Variants in C10orf90 observed in about 807,000 individuals in gnomAD.
C10orf90 encodes the protein (E2-independent) E3 ubiquitin-conjugating enzyme FATS.
C10orf90 carries 56 observed loss-of-function variants against 62.5 expected under a neutral mutation model. That is an observed-to-expected ratio of 0.90 (90% CI 0.72 to 1.12). The LOEUF (loss-of-function observed/expected upper bound fraction) is 1.12. Ranked by LOEUF, C10orf90 falls within the 50% of genes most tolerant of loss-of-function variation. C10orf90 has a pLI of 0.00. For synonymous variants in C10orf90, 386 were observed against 340.4 expected, an observed-to-expected ratio of 1.13 and a Z score of -1.47; for missense variants, 970 against 880.4, an observed-to-expected ratio of 1.10 and a Z score of -1.29.
intron 2 of C10orf90, among the ~76,000 whole-genome samples, chr10:126,578,182 T>C (rs1844664698): frequency 6.6e-6 from 1 of 152,140 alleles, no homozygotes; most frequent in South Asian, 2.1e-4. Context: ...AAAGACACTA[T>C]TAAGAGAGTG....
chr10:126,545,592 G>A (rs1283205266), intron 2 of C10orf90, among the ~76,000 whole-genome samples: 1 of 149,764 alleles, frequency 6.7e-6, no homozygotes, highest in East Asian at 1.9e-4. Flanking sequence ...CTCTCATAAT[G>A]TTTAAATGGG....
At position 126,504,654 on chromosome 10, in the gene C10orf90, A is replaced by G. The variant is rs1162911663; in HGVS notation, c.837T>C (p.Asn279=). 1.9e-6 allele frequency: 3 copies of G among 1,614,210 alleles called. No individual in the cohort carries two copies. Among genetic ancestry groups the G allele is most frequent in the African/African-American group, 2.7e-5 (2 of 75,070 alleles). Residue 279 remains asparagine, a synonymous_variant, in exon 4 of 10, where the codon AAT becomes AAC. Transcript: ENST00000488181. The surrounding 1 kb of genome is among the most constrained non-coding windows in gnomAD (Gnocchi z 4.1). The part of the protein sequence containing the change: ...TLFQAPPALA[N]GAHPGRHQRS... ...TCTGATGCCGACCTGGATGGGCGCC[A>G]TTGGCCAGAGCCGGGGGCGCCTGGA...
chr10:126,459,940 G>A (rs531733804), intron 6 of C10orf90, among the ~76,000 whole-genome samples: 5 of 152,318 alleles, frequency 3.3e-5, no homozygotes, highest in South Asian at 2.1e-4. Flanking sequence ...ACCTCGTGGA[G>A]TCCCACAACT....
chr10:126,450,321 T>G (rs1358010473), intron 7 of C10orf90, among the ~76,000 whole-genome samples: 5 of 152,214 alleles, frequency 3.3e-5, no homozygotes, highest in African/African-American at 1.2e-4. Context: ...TTCAATGACA[T>G]TTTTCACAGA....
rs146836010 is a variant in C10orf90 at position 126,667,553 on chromosome 10, C to T, written c.240+2688G>A. 2.6e-5 allele frequency among the ~76,000 whole-genome samples: 4 copies of T among 152,264 alleles called. No homozygotes were observed. In the East Asian group the frequency reaches 5.8e-4, roughly 22 times the overall value. On this transcript the variant is annotated intron_variant, in intron 1 of 9. Coordinates refer to ENST00000488181, the MANE Select transcript of C10orf90 (RefSeq NM_001350921.2). ...GATGGGTGAGCCTTAGCTGATGCATCTCAGCCTGCACCTACCATCAGAAAG... is the reference window on the plus strand; with the variant it reads ...GATGGGTGAGCCTTAGCTGATGCATTTCAGCCTGCACCTACCATCAGAAAG...
intron 4 of C10orf90, among the ~76,000 whole-genome samples, chr10:126,471,564 T>C (rs1472133598): frequency 2.0e-5 from 3 of 152,182 alleles, no homozygotes; most frequent in Non-Finnish European, 4.4e-5. Context: ...GGTGTTAGGA[T>C]ACTATTATGC....
intron 2 of C10orf90, among the ~76,000 whole-genome samples, chr10:126,591,266 T>C (rs1844973977): frequency 6.6e-6 from 1 of 152,134 alleles, no homozygotes; most frequent in African/African-American, 2.4e-5. Flanking sequence ...CAGGCCAATA[T>C]CCCTGATGAA....
chr10:126,636,961 G>GT (rs1845963741), intron 2 of C10orf90, among the ~76,000 whole-genome samples: 1 of 152,024 alleles, frequency 6.6e-6, no homozygotes, highest in African/African-American at 2.4e-5. Flanking sequence ...GAAGGAGTGT[G>GT]TGACTTCCAG....
intron 4 of C10orf90, among the ~76,000 whole-genome samples, chr10:126,501,119 A>G (rs1015280043): frequency 1.3e-5 from 2 of 152,240 alleles, no homozygotes; most frequent in African/African-American, 4.8e-5. Flanking sequence ...ACAGGAAAAT[A>G]TAAACAGTTC....
chr10:126,539,954 A>G (rs961639385), intron 2 of C10orf90, among the ~76,000 whole-genome samples: 10 of 152,244 alleles, frequency 6.6e-5, no homozygotes, highest in African/African-American at 2.4e-4. Flanking sequence ...AGGTGATATA[A>G]TTATCTACCT....
intron 2 of C10orf90, among the ~76,000 whole-genome samples, chr10:126,571,931 C>G (rs986541231): frequency 1.3e-5 from 2 of 152,182 alleles, no homozygotes; most frequent in African/African-American, 4.8e-5. Flanking sequence ...CCTGTCCTCT[C>G]AGAGGAAGTC....
At chr10:126,575,632 G>T (rs1446426650) in intron 2 of C10orf90, among the ~76,000 whole-genome samples, 1 of 151,672 alleles carries the variant, frequency 6.6e-6, no homozygotes. Flanking sequence ...AAGCAATCCT[G>T]GTCAAAAAGA....
intron 1 of C10orf90, among the ~76,000 whole-genome samples, chr10:126,653,742 G>T (rs1294267420): frequency 6.6e-6 from 1 of 151,432 alleles, no homozygotes; most frequent in East Asian, 1.9e-4. Flanking sequence ...TTATCAGTTT[G>T]CTTTGCTCAG....
intron 2 of C10orf90, among the ~76,000 whole-genome samples, chr10:126,544,461 A>G (rs1864445679): frequency 6.6e-6 from 1 of 152,210 alleles, no homozygotes; most frequent in East Asian, 1.9e-4. Context: ...TAACACCTGT[A>G]ACTGTACAGT....
Position 126,495,935 on chromosome 10 carries a change from C to T in C10orf90, c.1534+8022G>A, listed in dbSNP as rs561859426. ...AGTCCCCACCATGAGCCCAACTGCT[C>T]GGCACTCTTTACGTAAATTACCTTG... On this transcript the variant is annotated intron_variant, in intron 4 of 9. Transcript: ENST00000488181. 1.7e-4 allele frequency among the ~76,000 whole-genome samples: 26 copies of T among 152,250 alleles called. No individual in the cohort carries two copies. In the South Asian group the frequency reaches 4.2e-3, roughly 24 times the overall value.
intron 1 of C10orf90, among the ~76,000 whole-genome samples, chr10:126,667,901 A>G (rs1846664641): frequency 6.6e-6 from 1 of 152,130 alleles, no homozygotes; most frequent in African/African-American, 2.4e-5. Flanking sequence ...GTCTTTGAAA[A>G]TATGAACCCA....
rs560748738 is a variant in C10orf90 at position 126,564,822 on chromosome 10, C to T, written c.314-50883G>A. On this transcript the variant is annotated intron_variant, in intron 2 of 9. Coordinates refer to ENST00000488181, the MANE Select transcript of C10orf90 (RefSeq NM_001350921.2). ...CTCAATTACAAGTTTAGGAATAAGA[C>T]TCTCTCTCTCTATATATATATTATA... 8.3e-3 allele frequency among the ~76,000 whole-genome samples: 40 copies of T among 4,796 alleles called. 4 individuals carry two copies. The highest frequency in any genetic ancestry group is 0.015 in the African/African-American group (39 of 2,592). 3.1% of individuals were successfully genotyped at this position (4,796 alleles called of 152,430 possible). A position where few individuals can be genotyped will look rare whatever the true frequency, so the allele number is the denominator to read the frequency against.
intron 2 of C10orf90, among the ~76,000 whole-genome samples, chr10:126,612,592 T>A (rs1423782940): frequency 1.1e-4 from 17 of 152,190 alleles, no homozygotes; most frequent in Non-Finnish European, 7.3e-5. Flanking sequence ...GGATGCCAGA[T>A]AAAAGGGTGT....
At chr10:126,527,257 C>T (rs7090086) in intron 2 of C10orf90, among the ~76,000 whole-genome samples, 9,877 of 152,166 alleles carry the variant, frequency 0.065, 1,044 homozygotes, top group African/African-American at 0.22. Flanking sequence ...GCCATTCCAG[C>T]GGGTGTGAAG....
Sources: allele counts gnomAD v4.1 joint callset (sites outside exome capture counted in the v4.1 genomes callset), GRCh38; gene constraint gnomAD v4.1.1; non-coding constraint Gnocchi (gnomAD v3.1); transcripts MANE v1.5; gene names NCBI Gene and HGNC (gene_info 2026-07-23, HGNC 2026-07-21).